PACC1: variants seen among roughly 807,000 people sequenced by gnomAD.
PACC1 encodes the protein proton-activated chloride channel.
PACC1 carries 34 observed loss-of-function variants against 39.7 expected under a neutral mutation model. The ratio of observed to expected loss-of-function variants is 0.86; its 90% CI spans 0.65 to 1.14. PACC1 has a LOEUF of 1.14. PACC1 is among the 50% of genes most tolerant of loss of function. PACC1 has a pLI of 0.00. For missense variants in PACC1, 379 were observed against 436.4 expected (o/e 0.87, Z 1.17); for synonymous variants, 127 against 160.6 (o/e 0.79, Z 1.58).
At chr1:212,414,335 G>T (rs529383242) in intron 1 of PACC1, among the ~76,000 whole-genome samples, 1 of 152,320 alleles carries the variant, frequency 6.6e-6, no homozygotes, top group African/African-American at 2.4e-5. Context: ...AGGAGGGCGC[G>T]GGCGCTCCAC....
intron 1 of PACC1, among the ~76,000 whole-genome samples, chr1:212,414,407 G>C (rs1368844151): frequency 1.3e-5 from 2 of 152,212 alleles, no homozygotes; most frequent in Non-Finnish European, 2.9e-5. Flanking sequence ...GGGGAGCGCG[G>C]AAGGCTGGGC....
chr1:212,379,972 G>T lies in PACC1; in HGVS notation c.561C>A (p.Phe187Leu). 6.2e-7 allele frequency: 1 copy of T among 1,614,230 alleles called. No individual in the cohort carries two copies. Among genetic ancestry groups the T allele is most frequent in the Non-Finnish European group, 8.5e-7 (1 of 1,180,044 alleles). ...AGTCCTCACTACTCTTGTTCAGGCG[G>T]AACTGGAGGAAGACCAGCTCCCGCT... Reference protein sequence around the residue: ...VKKRELVFLQFRLNKSSEDFS... With the variant: ...VKKRELVFLQLRLNKSSEDFS... The change falls in exon 5 of 8, where the codon TTC becomes TTA. Residue 187 changes from phenylalanine (F) to leucine (L), a missense_variant. Phe to Leu is a conservative substitution (Grantham distance 22). Transcript: ENST00000261455.
chr1:212,379,137 G>GA lies in PACC1; in HGVS notation c.638+757_638+758insT, dbSNP rs560983084. Among the ~76,000 whole-genome samples, 279 of 152,070 alleles carry GA rather than the reference G, an allele frequency of 1.8e-3. 3 individuals are homozygous for GA. The highest frequency in any genetic ancestry group is 1.9e-3 in the Non-Finnish European group (130 of 67,984). On this transcript the variant is annotated intron_variant, in intron 5 of 7. Transcript: ENST00000261455. Reference sequence around the variant, plus strand: ...TTTTTGTATTTTTAGTAGAGATGGGGTTTCACCATGTTAGCCAGGATGGTC... The same window carrying GA: ...TTTTTGTATTTTTAGTAGAGATGGGGATTTCACCATGTTAGCCAGGATGGTC...
At chr1:212,382,407 A>G (rs1052600927) in intron 4 of PACC1, among the ~76,000 whole-genome samples, 12 of 152,160 alleles carry the variant, frequency 7.9e-5, no homozygotes, top group Admixed American at 3.3e-4. Context: ...GCAGTGGGAA[A>G]ATGGCGGGCA....
chr1:212,380,750 T>G (rs1276697894), intron 4 of PACC1, among the ~76,000 whole-genome samples: 1 of 152,238 alleles, frequency 6.6e-6, no homozygotes, highest in Admixed American at 6.5e-5. Flanking sequence ...TGTGCCACTT[T>G]GATTCCTGTG....
chr1:212,371,924 A>C (rs1660472732), intron 7 of PACC1, among the ~76,000 whole-genome samples: 1 of 152,180 alleles, frequency 6.6e-6, no homozygotes, highest in Non-Finnish European at 1.5e-5. Flanking sequence ...CAAGAACAAA[A>C]ATCATGTAAT....
At chr1:212,403,481 C>T (rs1430977655) in intron 2 of PACC1, among the ~76,000 whole-genome samples, 3 of 152,220 alleles carry the variant, frequency 2.0e-5, no homozygotes, top group Admixed American at 1.3e-4. Flanking sequence ...AACTCCAGCC[C>T]TCCCTTCTCT....
chr1:212,370,367 G>A (rs1660402702), intron 7 of PACC1, among the ~76,000 whole-genome samples: 1 of 152,200 alleles, frequency 6.6e-6, no homozygotes, highest in Non-Finnish European at 1.5e-5. Flanking sequence ...TACTCGGGAG[G>A]CTGAGGCAGG....
chr1:212,410,868 C>G (rs1318879903), intron 1 of PACC1, among the ~76,000 whole-genome samples: 3 of 152,164 alleles, frequency 2.0e-5, no homozygotes, highest in African/African-American at 7.2e-5. Context: ...TGTTCCATGC[C>G]TCTCTCCTGG....
At chr1:212,383,255 C>T (rs1660972352) in intron 4 of PACC1, among the ~76,000 whole-genome samples, 1 of 152,128 alleles carries the variant, frequency 6.6e-6, no homozygotes, top group Admixed American at 6.5e-5. Flanking sequence ...ACTCTTTAGT[C>T]GAATTATGTA....
rs373843825 is a variant in PACC1 at position 212,379,963 on chromosome 1, G to A, written c.570C>T (p.Asn190=). ...TGGCGCTGAAGTCCTCACTACTCTT[G>A]TTCAGGCGGAACTGGAGGAAGACCA... The part of the protein sequence containing the change: ...RELVFLQFRL[N]KSSEDFSAID... The change falls in exon 5 of 8, where the codon AAC becomes AAT. Residue 190 remains asparagine (N), a synonymous_variant. Transcript: ENST00000261455. The A allele has an allele frequency of 6.2e-7, 1 of 1,614,122 alleles. No individual in the cohort carries two copies. The highest frequency in any genetic ancestry group is 8.5e-7 in the Non-Finnish European group (1 of 1,180,042).
At chr1:212,410,063 A>G (rs1662067175) in intron 2 of PACC1, 2 of 236,934 alleles carry the variant, frequency 8.4e-6, no homozygotes, top group Non-Finnish European at 8.6e-6. Context: ...ATTACTGGAC[A>G]GGCCTAGTAT....
chr1:212,375,595 CAT>C (rs1334691421), intron 6 of PACC1, among the ~76,000 whole-genome samples: 1 of 152,066 alleles, frequency 6.6e-6, no homozygotes, highest in African/African-American at 2.4e-5. Flanking sequence ...ACAATTAAAC[CAT>C]ATTCAGGCCA....
chr1:212,399,150 G>T (rs1241855860), intron 2 of PACC1, among the ~76,000 whole-genome samples: 1 of 152,184 alleles, frequency 6.6e-6, no homozygotes, highest in Admixed American at 6.5e-5. Flanking sequence ...ATTCTAACGG[G>T]GTTTGAAAAG....
rs758690015 is a variant in PACC1, at chr1:212,377,684, G to A, written c.661C>T (p.Gln221Ter). The change falls in exon 6 of 8, where the codon CAG becomes TAG. Residue 221 changes from glutamine to a stop codon, truncating the protein, a stop_gained. Transcript: ENST00000261455. LOFTEE classifies it high-confidence loss of function. ...LQSPNRVGFM[Q>*]ACESAYSSWK... Reference sequence around the variant, plus strand: ...CTGGAATAGGCACTCTCACAGGCCTGCATGAAGCCTACCCTGTTTGGGCTT... The same window carrying A: ...CTGGAATAGGCACTCTCACAGGCCTACATGAAGCCTACCCTGTTTGGGCTT... 2.5e-6 allele frequency: 4 copies of A among 1,614,162 alleles called. No homozygotes were observed. Among genetic ancestry groups the A allele is most frequent in the Non-Finnish European group, 3.4e-6 (4 of 1,180,004 alleles).
At chr1:212,379,472 G>A (rs776204045) in intron 5 of PACC1, among the ~76,000 whole-genome samples, 3 of 152,204 alleles carry the variant, frequency 2.0e-5, no homozygotes, top group Non-Finnish European at 4.4e-5. Context: ...AGGACCAACT[G>A]TATTTCAGGC....
intron 2 of PACC1, among the ~76,000 whole-genome samples, chr1:212,399,517 G>C (rs970505217): frequency 1.3e-5 from 2 of 151,096 alleles, no homozygotes; most frequent in Non-Finnish European, 2.9e-5. Flanking sequence ...GCTGGAGTGC[G>C]CTGGTGTGAT....
intron 2 of PACC1, among the ~76,000 whole-genome samples, chr1:212,388,292 A>G (rs1182356632): frequency 6.6e-6 from 1 of 152,078 alleles, no homozygotes; most frequent in East Asian, 1.9e-4. Context: ...CCTTCATGCT[A>G]TGCCTGGAAC....
chr1:212,368,747 C>T (rs1242708181), intron 7 of PACC1, among the ~76,000 whole-genome samples: 1 of 151,814 alleles, frequency 6.6e-6, no homozygotes, highest in African/African-American at 2.4e-5. Context: ...GAGTCAATGG[C>T]CTTGGCCGGG....
Sources: allele counts gnomAD v4.1 joint callset (sites outside exome capture counted in the v4.1 genomes callset), GRCh38; gene constraint gnomAD v4.1.1; transcripts MANE v1.5; gene names NCBI Gene and HGNC (gene_info 2026-07-23, HGNC 2026-07-21).